DST: variants seen among roughly 807,000 people sequenced by gnomAD.
The protein encoded by DST is dystonin, also known as bullous pemphigoid antigen.
DST carries 253 observed loss-of-function variants against 875.2 expected under a neutral mutation model. That is an observed-to-expected ratio of 0.29 (90% confidence interval 0.26 to 0.32). The LOEUF is 0.32. Among genes scored for constraint, DST ranks in the 10% least tolerant of loss-of-function variants. The pLI, the probability that DST is intolerant of heterozygous loss-of-function variation, is 1.00. For missense variants in DST, 8,287 were observed against 9,111.6 expected, an observed-to-expected ratio of 0.91 and a Z score of 3.68; for synonymous variants, 3,124 against 3,197.1, an observed-to-expected ratio of 0.98 and a Z score of 0.77.
chr6:56,954,328 G>A lies in DST; in HGVS notation c.181+79C>T, dbSNP rs1163159024. On this transcript the variant is annotated intron_variant, in intron 1 of 103. Transcript: ENST00000680361. ...GGGGCTAGGGGCAGCCGAGGAGAAGGGAGCGAGCCGCGCTTCACTCTCCAA... is the reference window on the plus strand; with the variant it reads ...GGGGCTAGGGGCAGCCGAGGAGAAGAGAGCGAGCCGCGCTTCACTCTCCAA... 4 of 1,134,578 alleles carry A rather than the reference G, an allele frequency of 3.5e-6. No individual in the cohort carries two copies. The African/African-American group carries it at 6.4e-5, about 18-fold the overall frequency. The allele number at this position is 1,134,578 out of a possible 1,614,324, so 70.3% of individuals were successfully genotyped here. A position where few individuals can be genotyped will look rare whatever the true frequency, so the allele number is the denominator to read the frequency against.
intron 4 of DST, among the ~76,000 whole-genome samples, chr6:56,797,778 A>G (rs950825987): frequency 7.1e-6 from 1 of 141,840 alleles, no homozygotes; most frequent in Non-Finnish European, 1.5e-5. Context: ...AGATTGCGCC[A>G]TTGCACTCCA....
chr6:56,709,468 A>G (rs2099354130), intron 5 of DST, among the ~76,000 whole-genome samples: 2 of 152,218 alleles, frequency 1.3e-5, no homozygotes, highest in African/African-American at 4.8e-5. Flanking sequence ...AACTTTGAAG[A>G]AAAGAGAATC....
intron 90 of DST, among the ~76,000 whole-genome samples, chr6:56,481,235 G>A (rs1201841800): frequency 6.6e-6 from 1 of 152,110 alleles, no homozygotes; most frequent in Non-Finnish European, 1.5e-5. Context: ...GACTTCAAAA[G>A]ACAAAATTAT....
At chr6:56,580,121 T>A (rs903065191) in intron 49 of DST, among the ~76,000 whole-genome samples, 1 of 152,178 alleles carries the variant, frequency 6.6e-6, no homozygotes, top group Admixed American at 6.5e-5. Flanking sequence ...CAACTACAGG[T>A]AGCTTTTAAA....
intron 4 of DST, among the ~76,000 whole-genome samples, chr6:56,743,727 G>A (rs889444921): frequency 6.6e-6 from 1 of 152,182 alleles, no homozygotes; most frequent in Admixed American, 6.5e-5. Flanking sequence ...GAGGCACTTA[G>A]AGGTTAAACA....
intron 5 of DST, among the ~76,000 whole-genome samples, chr6:56,721,473 G>A (rs2152912079): frequency 6.6e-6 from 1 of 152,292 alleles, no homozygotes; most frequent in East Asian, 1.9e-4. Context: ...GTAAAGACAG[G>A]CATAGGAAAT....
chr6:56,470,381 C>A, intron 95 of DST, 99 bp from the exon 96 acceptor site: 1 of 943,146 alleles, frequency 1.1e-6, no homozygotes, highest in Non-Finnish European at 1.5e-6. Context: ...GTTAAATCAT[C>A]AGTGATCAAA....
chr6:56,797,670 T>C (rs2099741631), intron 4 of DST, among the ~76,000 whole-genome samples: 1 of 151,816 alleles, frequency 6.6e-6, no homozygotes, highest in South Asian at 2.1e-4. Flanking sequence ...AATACAAAAA[T>C]TAGCTGGGCG....
Position 56,515,629 on chromosome 6 carries a change from A to T in DST, c.18397T>A (p.Cys6133Ser), listed in dbSNP as rs75105686. The change falls in exon 72 of 104, where the codon TGC becomes AGC. Residue 6133 changes from cysteine to serine, a missense_variant. Cys to Ser is a moderately radical substitution (Grantham distance 112). Around this residue, in one of 10 missense-constraint regions of DST, gnomAD observed 1,292 missense variants for 1,552.7 expected, o/e 0.83. Transcript: ENST00000680361. ...AGATACCTTTCTGAATTAATCTGGC[A>T]GATGGTATCATAGTTCTTCAGTACC... is the stretch of plus-strand genomic sequence containing the variant. ...DKVLKNYDTICQINSERYLQL... is the reference protein window; with the variant it reads ...DKVLKNYDTISQINSERYLQL... 1,803 of 1,612,776 alleles carry T rather than the reference A, an allele frequency of 1.1e-3. 12 individuals carry two copies. In the African/African-American group the frequency reaches 0.022, roughly 19 times the overall value.
intron 8 of DST, 31 bp downstream of exon 8, chr6:56,701,857 A>C: frequency 6.0e-6 from 8 of 1,344,506 alleles, no homozygotes; most frequent in Non-Finnish European, 8.5e-6. Flanking sequence ...ACATATATTT[A>C]TATGATTACA....
chr6:56,619,713 G>T (rs770631196), intron 36 of DST: 1 of 1,613,996 alleles, frequency 6.2e-7, no homozygotes, highest in Non-Finnish European at 8.5e-7. Flanking sequence ...TGCCTACCAA[G>T]CTCTCTGAGT....
Position 56,606,301 on chromosome 6 carries a change from T to C in DST, c.8327A>G (p.Gln2776Arg), listed in dbSNP as rs1370999458. Residue 2776 changes from glutamine (Q) to arginine (R), a missense_variant, in exon 40 of 104, where the codon CAG becomes CGG. Physicochemically the swap from Gln to Arg is conservative, Grantham distance 43 (BLOSUM62 1). Transcript: ENST00000680361. Reference sequence around the variant, plus strand: ...ATGATCAGTATCGGAGTGAAATTCCTGTCCAGTTACATACTCTTCCTTTCT... The same window carrying C: ...ATGATCAGTATCGGAGTGAAATTCCCGTCCAGTTACATACTCTTCCTTTCT... The part of the protein sequence containing the change: ...RGRKEEYVTG[Q>R]EFHSDTDHLD... 3.1e-6 allele frequency: 5 copies of C among 1,602,476 alleles called. No homozygotes were observed. The highest frequency in any genetic ancestry group is 4.3e-6 in the Non-Finnish European group (5 of 1,173,818).
chr6:56,755,057 A>T (rs2099598233), intron 4 of DST, among the ~76,000 whole-genome samples: 1 of 152,154 alleles, frequency 6.6e-6, no homozygotes, highest in Non-Finnish European at 1.5e-5. Context: ...AATACCAGAA[A>T]ATGTATGAAA....
chr6:56,753,115 T>G, intron 4 of DST, among the ~76,000 whole-genome samples: 1 of 152,142 alleles, frequency 6.6e-6, no homozygotes, highest in East Asian at 1.9e-4. Context: ...TTCATCTCTT[T>G]GATTTGTATT....
At position 56,640,014 on chromosome 6, in the gene DST, A is replaced by C. The variant is rs776991432; in HGVS notation, c.2534T>G (p.Val845Gly). The part of the protein sequence containing the change: ...RTEWGSDLPS[V>G]ESHLENHKNV... ...TTTATGATTTTCTAAATGGCTTTCA[A>C]CACTTGGCAAATCTGAGCCCCACTC... The change falls in exon 19 of 104, where the codon GTT (valine) becomes GGT (glycine). Residue 845 changes from valine (V) to glycine (G), a missense_variant. By Grantham distance (109) the Val-to-Gly change is moderately radical. This residue lies in a region of DST where 1,160 missense variants were observed against 1,424.3 expected (regional missense o/e 0.81). Coordinates refer to ENST00000680361, the MANE Select transcript of DST (RefSeq NM_001374736.1). 81 of 1,613,978 alleles carry C rather than the reference A, an allele frequency of 5.0e-5. No individual in the cohort carries two copies. Among genetic ancestry groups the C allele is most frequent in the Non-Finnish European group, 6.8e-5 (80 of 1,179,978 alleles).
chr6:56,733,654 C>T (rs905274603), intron 5 of DST, among the ~76,000 whole-genome samples: 18 of 152,180 alleles, frequency 1.2e-4, no homozygotes, highest in Admixed American at 9.2e-4. Context: ...TCTTCTGCTC[C>T]TCTGTTTGGT....
intron 2 of DST, among the ~76,000 whole-genome samples, chr6:56,902,479 T>G (rs549542098): frequency 6.6e-6 from 1 of 152,324 alleles, no homozygotes; most frequent in South Asian, 2.1e-4. Context: ...GGAGAGCCTG[T>G]ACACCAGGCT....
intron 32 of DST, 62 bp from the exon 33 acceptor site, chr6:56,628,223 T>C (rs1443958356): frequency 6.9e-7 from 1 of 1,442,048 alleles, no homozygotes; most frequent in Non-Finnish European, 9.7e-7. Context: ...GGGTGGAAGA[T>C]GTAGAGATGG....
At chr6:56,468,848 CACCACGCCA>C in intron 98 of DST, 125 bp downstream of exon 98, 1 of 655,200 alleles carries the variant, frequency 1.5e-6, no homozygotes, top group South Asian at 2.8e-5. Context: ...TTTACAGAAA[CACCACGCCA>C]ACCAACAATG....
Sources: gnomAD v4.1 joint callset for allele counts (sites outside exome capture counted in the v4.1 genomes callset) on GRCh38, gnomAD v4.1.1 for gene constraint, gnomAD v4.1.1 regional missense constraint, MANE v1.5 for transcripts, NCBI Gene and HGNC (gene_info 2026-07-23, HGNC 2026-07-21) for gene names.